The following DGAT2 variants were observed in gnomAD, a reference collection of about 807,000 sequenced individuals.
The protein encoded by DGAT2 is diacylglycerol O-acyltransferase 2, also known as acyl-CoA retinol O-fatty-acyltransferase.
DGAT2 carries 33 observed loss-of-function variants against 48.4 expected under a neutral mutation model. The observed-to-expected ratio is 0.68, with a 90% confidence interval of 0.52 to 0.91. The LOEUF (loss-of-function observed/expected upper bound fraction) is 0.91, where lower values mean the gene tolerates loss of function less well. DGAT2 is among the 40% of genes least tolerant of loss of function. The pLI, the probability that DGAT2 is intolerant of heterozygous loss-of-function variation, is 0.00. For missense variants in DGAT2, 446 were observed against 493.7 expected (o/e 0.90, Z 0.92); for synonymous variants, 191 against 194.1 (o/e 0.98, Z 0.13).
chr11:75,781,792 C>T (rs1023505891), intron 1 of DGAT2, among the ~76,000 whole-genome samples: 1 of 152,166 alleles, frequency 6.6e-6, no homozygotes, highest in African/African-American at 2.4e-5. Context: ...TTGGGAGACT[C>T]CCGCAGGCCC....
intron 1 of DGAT2, 172 bp from the exon 2 acceptor site, chr11:75,784,446 A>G: frequency 1.3e-6 from 1 of 787,830 alleles, no homozygotes; most frequent in Non-Finnish European, 1.9e-6. Context: ...GACAGCCCAG[A>G]GTTACAAAGC....
At chr11:75,794,815 G>C (rs1038576822) in intron 4 of DGAT2, 1 of 152,148 alleles carries the variant, frequency 6.6e-6, no homozygotes, top group Admixed American at 6.5e-5. Flanking sequence ...GACTCAATGC[G>C]TCAGATGGTT....
intron 2 of DGAT2, among the ~76,000 whole-genome samples, chr11:75,788,700 G>C (rs756938956): frequency 1.3e-5 from 2 of 152,094 alleles, no homozygotes; most frequent in Non-Finnish European, 2.9e-5. Context: ...ACAGCACCTG[G>C]GACCACCAGG....
chr11:75,796,315 G>A lies in DGAT2; in HGVS notation c.430-13G>A, dbSNP rs1565319922. ...CCCAGCCAGTTTCCTCTGACCCAAG[G>A]TCATCCTTGCAGCTGGTGAAGACAC... On this transcript the variant is annotated splice_polypyrimidine_tract_variant and intron_variant, in intron 4 of 7. Transcript: ENST00000228027. 1.2e-6 allele frequency: 2 copies of A among 1,611,916 alleles called. No individual in the cohort carries two copies. The highest frequency in any genetic ancestry group is 1.1e-5 in the South Asian group (1 of 90,998).
intron 1 of DGAT2, among the ~76,000 whole-genome samples, chr11:75,781,729 G>A (rs374183325): frequency 6.6e-5 from 10 of 152,296 alleles, no homozygotes; most frequent in Middle Eastern, 3.4e-3. Flanking sequence ...GGTGAGAACC[G>A]AACCAGCAGT....
At chr11:75,784,929 G>T (rs1944906092) in intron 2 of DGAT2, among the ~76,000 whole-genome samples, 183 bp downstream of exon 2, 1 of 152,106 alleles carries the variant, frequency 6.6e-6, no homozygotes, top group African/African-American at 2.4e-5. Context: ...CCCTCAGCAT[G>T]CATGAAGATT....
chr11:75,769,395 C>T lies in DGAT2; in HGVS notation c.121+283C>T, dbSNP rs993458993. On this transcript the variant is annotated intron_variant, in intron 1 of 7. Coordinates refer to ENST00000228027, the MANE Select transcript of DGAT2 (RefSeq NM_032564.5). ...GACCCCTGGCACTTCCCTCCCCTCT[C>T]CCTTCACCAGGTAGAGCGAGCTTTG... Among the ~76,000 whole-genome samples the T allele has an allele frequency of 4.6e-5, 7 of 152,268 alleles. No homozygotes were observed. The East Asian group carries it at 1.4e-3, about 30-fold the overall frequency.
chr11:75,800,727 G>C lies in DGAT2; in HGVS notation c.*219G>C, dbSNP rs1182231296. The C allele has an allele frequency of 1.8e-6, 1 of 547,468 alleles. No homozygotes were observed. The highest frequency in any genetic ancestry group is 3.1e-6 in the Non-Finnish European group (1 of 318,790). 33.9% of individuals were successfully genotyped at this position (547,468 alleles called of 1,614,324 possible). On this transcript the variant is annotated 3_prime_UTR_variant, in exon 8 of 8. Coordinates refer to ENST00000228027, the MANE Select transcript of DGAT2 (RefSeq NM_032564.5). ...CTGTTCTAGGTGGTGGCTAAATCTG[G>C]GCCTAATCTGGGTGGCTCAGCTAAC...
chr11:75,784,064 G>C (rs1316536648), intron 1 of DGAT2, among the ~76,000 whole-genome samples: 1 of 152,086 alleles, frequency 6.6e-6, no homozygotes, highest in Non-Finnish European at 1.5e-5. Flanking sequence ...AGTGGTGTTG[G>C]GGGTGGGGGC....
At chr11:75,796,559 C>G (rs780136262) in intron 5 of DGAT2, 27 bp downstream of exon 5, 6 of 1,604,266 alleles carry the variant, frequency 3.7e-6, no homozygotes, top group Non-Finnish European at 5.1e-6. Context: ...TGTGCTCCTG[C>G]TGGGCACTGT....
At chr11:75,781,796 C>T (rs969588411) in intron 1 of DGAT2, among the ~76,000 whole-genome samples, 4 of 152,196 alleles carry the variant, frequency 2.6e-5, no homozygotes, top group African/African-American at 9.7e-5. Context: ...GAGACTCCCG[C>T]AGGCCCTCAA....
At position 75,768,902 on chromosome 11, in the gene DGAT2, G is replaced by A. The variant is rs1197252055; in HGVS notation, c.-90G>A. 10 of 1,345,658 alleles carry A rather than the reference G, an allele frequency of 7.4e-6. No individual in the cohort carries two copies. The highest frequency in any genetic ancestry group is 9.5e-6 in the Non-Finnish European group (10 of 1,050,938). 83.4% of individuals were successfully genotyped at this position (1,345,658 alleles called of 1,614,324 possible). A position where few individuals can be genotyped will look rare whatever the true frequency, so the allele number is the denominator to read the frequency against. ...CCGTCCCGGGACCCCTGTGCTCTGC[G>A]CGAAGCCCTGGCCCCGGGGGCCGGG... On this transcript the variant is annotated 5_prime_UTR_variant, in exon 1 of 8. Coordinates refer to ENST00000228027, the MANE Select transcript of DGAT2 (RefSeq NM_032564.5).
Position 75,796,464 on chromosome 11 carries a change from G to A in DGAT2, c.566G>A (p.Arg189Gln), listed in dbSNP as rs770570893. The A allele has an allele frequency of 1.2e-6, 2 of 1,613,870 alleles. No homozygotes were observed. Among genetic ancestry groups the A allele is most frequent in the East Asian group, 2.2e-5 (1 of 44,900 alleles). Reference sequence around the variant, plus strand: ...GTGAGCAAGAAGTTCCCAGGCATACGGCCTTACCTGGCTACACTGGCAGGC... The same window carrying A: ...GTGAGCAAGAAGTTCCCAGGCATACAGCCTTACCTGGCTACACTGGCAGGC... ...TEVSKKFPGI[R>Q]PYLATLAGNF... is the part of the protein sequence containing the mutation. Residue 189 changes from arginine to glutamine, a missense_variant, in exon 5 of 8, where the codon CGG becomes CAG. By Grantham distance (43) the Arg-to-Gln change is conservative. Transcript: ENST00000228027.
chr11:75,787,163 A>T lies in DGAT2; in HGVS notation c.250+2417A>T, dbSNP rs572761681. 7.7e-4 allele frequency among the ~76,000 whole-genome samples: 117 copies of T among 152,320 alleles called. 1 individual carries two copies. The highest frequency in any genetic ancestry group is 2.8e-3 in the African/African-American group (115 of 41,566). ...ACTGCTGATAATTCTGTGATTTATT[A>T]TATTGGTAAGTGAAGGAAATGCCAC... On this transcript the variant is annotated intron_variant, in intron 2 of 7. Transcript: ENST00000228027.
chr11:75,791,696 T>C (rs1034273702), intron 4 of DGAT2, among the ~76,000 whole-genome samples: 2 of 152,230 alleles, frequency 1.3e-5, no homozygotes, highest in African/African-American at 4.8e-5. Flanking sequence ...CCCCATTGGA[T>C]TGATTCCAGC....
chr11:75,796,363 C>T lies in DGAT2; in HGVS notation c.465C>T (p.Asn155=). The change falls in exon 5 of 8, where the codon AAC becomes AAT. Residue 155 remains asparagine (N), a synonymous_variant. Transcript: ENST00000228027. ...VKTHNLLTTR[N]YIFGYHPHGI... ...CACACAACCTGCTGACCACCAGGAA[C>T]TATATCTTTGGATACCACCCCCATG... 6.2e-7 allele frequency: 1 copy of T among 1,614,180 alleles called. No individual in the cohort carries two copies. Among genetic ancestry groups the T allele is most frequent in the Non-Finnish European group, 8.5e-7 (1 of 1,180,018 alleles).
chr11:75,780,374 T>G (rs1236265427), intron 1 of DGAT2, among the ~76,000 whole-genome samples: 1 of 152,160 alleles, frequency 6.6e-6, no homozygotes, highest in Non-Finnish European at 1.5e-5. Flanking sequence ...CCAGAACTAC[T>G]GCAAGATGGT....
At chr11:75,796,071 A>G (rs936699425) in intron 4 of DGAT2, 48 of 495,038 alleles carry the variant, frequency 9.7e-5, no homozygotes, top group Non-Finnish European at 6.6e-5. Context: ...TGCTGTGTGC[A>G]TGGCTGAAGA....
intron 4 of DGAT2, chr11:75,794,163 G>C (rs1196011764): frequency 6.6e-6 from 1 of 152,256 alleles, no homozygotes; most frequent in Non-Finnish European, 1.5e-5. Context: ...GTCAGAGCTG[G>C]GAGTGGTGCC....
Sources: allele counts gnomAD v4.1 joint callset (sites outside exome capture counted in the v4.1 genomes callset), GRCh38; gene constraint gnomAD v4.1.1; transcripts MANE v1.5; gene names NCBI Gene and HGNC (gene_info 2026-07-23, HGNC 2026-07-21).